The following NDEL1 variants were observed in gnomAD, a reference collection of about 807,000 sequenced individuals.
The protein encoded by NDEL1 is nudE neurodevelopment protein 1 like 1, also known as nuclear distribution protein nudE-like 1.
A neutral mutation model predicts 45.7 loss-of-function variants in NDEL1; 9 were observed. That is an observed-to-expected ratio of 0.20 (90% CI 0.12 to 0.34). NDEL1 has a LOEUF of 0.34. Ranked by LOEUF, NDEL1 falls within the 10% of genes least tolerant of loss-of-function variation. The probability of loss-of-function intolerance (pLI) is 1.00; values close to 1 mark genes in which losing one functional copy is unlikely to be tolerated. For synonymous variants in NDEL1, 133 were observed against 158.6 expected, an observed-to-expected ratio of 0.84 and a Z score of 1.21; for missense variants, 306 against 406.2, an observed-to-expected ratio of 0.75 and a Z score of 2.12.
upstream of NDEL1, among the ~76,000 whole-genome samples, chr17:8,434,641 A>C (rs143515072): frequency 7.2e-5 from 11 of 152,274 alleles, 1 homozygote; most frequent in East Asian, 2.1e-3. Flanking sequence ...CTCCCTATGT[A>C]AGTTGCCTAT....
chr17:8,418,091 T>C (rs1240355209), intron 1 of NDEL1, among the ~76,000 whole-genome samples: 2 of 152,248 alleles, frequency 1.3e-5, no homozygotes, highest in African/African-American at 2.4e-5. Flanking sequence ...GCATTTAGTT[T>C]TCAGCCTTTT....
At chr17:8,441,134 G>T (rs1218477334) in intron 1 of NDEL1, among the ~76,000 whole-genome samples, 1 of 152,108 alleles carries the variant, frequency 6.6e-6, no homozygotes, top group African/African-American at 2.4e-5. Context: ...AAAATGATCT[G>T]ACCAGTGAAT....
In NDEL1 at chr17:8,447,075, C is replaced by T. The variant is rs534134014; in HGVS notation, c.389+173C>T. ...CCCCAAATCCTCATCTCCCAGATAA[C>T]GCCCTTCAAAGCTTTCTCTTTCAAT... is the stretch of plus-strand genomic sequence containing the variant. On this transcript the variant is annotated intron_variant, in intron 4 of 8. Coordinates refer to ENST00000334527, the MANE Select transcript of NDEL1 (RefSeq NM_030808.5). Among the ~76,000 whole-genome samples, 7 of 152,238 alleles carry T rather than the reference C, an allele frequency of 4.6e-5. No homozygotes were observed. The South Asian group carries it at 1.0e-3, about 23-fold the overall frequency.
chr17:8,429,559 T>G (rs1908950378), intron 1 of NDEL1, among the ~76,000 whole-genome samples: 1 of 152,112 alleles, frequency 6.6e-6, no homozygotes, highest in Non-Finnish European at 1.5e-5. Context: ...AGAAGGTGGG[T>G]TGGCCAAGCC....
At chr17:8,464,869 G>A (rs1474315305) in intron 8 of NDEL1, 1 of 152,322 alleles carries the variant, frequency 6.6e-6, no homozygotes, top group Admixed American at 6.5e-5. Flanking sequence ...CAGTGGAACA[G>A]TGGGATGAAC....
chr17:8,456,547 G>A (rs1910860967), intron 7 of NDEL1, among the ~76,000 whole-genome samples: 1 of 140,752 alleles, frequency 7.1e-6, no homozygotes, highest in Non-Finnish European at 1.5e-5. Flanking sequence ...TGCCAAGGCT[G>A]GAGTGCAGCG....
At chr17:8,472,611 T>C (rs1911873651), downstream of NDEL1, among the ~76,000 whole-genome samples, 1 of 151,960 alleles carries the variant, frequency 6.6e-6, no homozygotes, top group Non-Finnish European at 1.5e-5. Context: ...TGAAGTGAGC[T>C]GAGAGCATGC....
intron 8 of NDEL1, among the ~76,000 whole-genome samples, chr17:8,463,765 T>C (rs1911398461): frequency 6.6e-6 from 1 of 152,376 alleles, no homozygotes; most frequent in South Asian, 2.1e-4. Flanking sequence ...GGCACCAGTG[T>C]GAGCATTCCC....
chr17:8,418,783 C>T (rs1908633621), intron 1 of NDEL1, among the ~76,000 whole-genome samples: 1 of 147,744 alleles, frequency 6.8e-6, no homozygotes, highest in South Asian at 2.2e-4. Flanking sequence ...CTACCTCCCT[C>T]CTTTCTTTCT....
In NDEL1 at chr17:8,460,019, C is replaced by T. The variant is rs770661870; in HGVS notation, c.803C>T (p.Ser268Phe). Residue 268 changes from serine (S) to phenylalanine (F), a missense_variant, in exon 8 of 9, where the codon TCC becomes TTC. Transcript: ENST00000334527. Reference protein sequence around the residue: ...DLLRKVGALESKLAACRNFAK... With the variant: ...DLLRKVGALEFKLAACRNFAK... ...CCTTCTTTTTTGTAGGCTTTAGAAT[C>T]CAAATTAGCAGCTTGCAGGAATTTT... 1.2e-6 allele frequency: 2 copies of T among 1,612,024 alleles called. No homozygotes were observed. Among genetic ancestry groups the T allele is most frequent in the Admixed American group, 3.4e-5 (2 of 59,588 alleles).
downstream of NDEL1, among the ~76,000 whole-genome samples, chr17:8,469,265 G>A (rs749249466): frequency 2.0e-5 from 3 of 152,142 alleles, no homozygotes; most frequent in Admixed American, 6.6e-5. Flanking sequence ...GATTGGATTA[G>A]ATGAGAGGTT....
intron 1 of NDEL1, among the ~76,000 whole-genome samples, chr17:8,416,036 C>A (rs976578404): frequency 6.6e-6 from 1 of 152,132 alleles, no homozygotes; most frequent in African/African-American, 2.4e-5. Context: ...CATGAGCCAC[C>A]GCGCCTGGCC....
intron 8 of NDEL1, chr17:8,463,378 T>C (rs1164096575): frequency 6.2e-7 from 1 of 1,608,106 alleles, no homozygotes. Flanking sequence ...TTTGCTGTGC[T>C]CTTTTTCATT....
Position 8,467,180 on chromosome 17 carries a change from GC to G in NDEL1, c.*160del. ...CATGCAGTGGCGGCTACTGGGCCCTGCCCAGCCCCGGAACTCTGCGCGATAT... is the reference window on the plus strand; with the variant it reads ...CATGCAGTGGCGGCTACTGGGCCCTGCCAGCCCCGGAACTCTGCGCGATAT... On this transcript the variant is annotated 3_prime_UTR_variant, in exon 9 of 9. Transcript: ENST00000334527. The surrounding 1 kb of genome is among the most constrained non-coding windows in gnomAD (Gnocchi z 6.3). 1 of 683,214 alleles carries G rather than the reference GC, an allele frequency of 1.5e-6. No homozygotes were observed. Among genetic ancestry groups the G allele is most frequent in the Non-Finnish European group, 2.5e-6 (1 of 396,612 alleles). 42.3% of individuals were successfully genotyped at this position (683,214 alleles called of 1,614,324 possible). A position where few individuals can be genotyped will look rare whatever the true frequency, so the allele number is the denominator to read the frequency against.
Position 8,446,765 on chromosome 17 carries a change from G to A in NDEL1, c.252G>A (p.Glu84=), listed in dbSNP as rs1367134795. ...ACTGATGCCCTCAGGAGAAGCTAGA[G>A]CATCAATATGCACAGAGCTATAAGC... is the stretch of plus-strand genomic sequence containing the variant. The part of the protein sequence containing the change: ...YEVEALKEKL[E]HQYAQSYKQV... Residue 84 remains glutamate, a synonymous_variant, in exon 4 of 9, where the codon GAG becomes GAA. Transcript: ENST00000334527. 4.3e-6 allele frequency: 7 copies of A among 1,614,050 alleles called. No homozygotes were observed. The highest frequency in any genetic ancestry group is 2.2e-5 in the South Asian group (2 of 91,084).
At chr17:8,416,774 T>G (rs1446998762) in intron 1 of NDEL1, among the ~76,000 whole-genome samples, 1 of 152,204 alleles carries the variant, frequency 6.6e-6, no homozygotes, top group Non-Finnish European at 1.5e-5. Context: ...TGTACTTGCT[T>G]TCTGAAACTC....
upstream of NDEL1, among the ~76,000 whole-genome samples, chr17:8,430,923 C>T (rs1908984203): frequency 1.3e-5 from 2 of 152,208 alleles, no homozygotes; most frequent in African/African-American, 4.8e-5. Flanking sequence ...GAAAGCTCAA[C>T]CACAAGGGGG....
At chr17:8,461,160 C>A (rs146912025) in intron 8 of NDEL1, 1 of 152,102 alleles carries the variant, frequency 6.6e-6, no homozygotes, top group African/African-American at 2.4e-5. Flanking sequence ...ACTCTAGAAA[C>A]GCTCACAATC....
At position 8,426,644 on chromosome 17, in the gene NDEL1, G is replaced by A. The variant is rs144260933; in HGVS notation, c.-13+13375G>A. On this transcript the variant is annotated intron_variant, in intron 1 of 4. Transcript: ENST00000582812. ...AGGATGATAGTGAAGCCTGAAGCTT[G>A]GGGAAGTCAGGAAAACCGTGAGGTT... is the stretch of plus-strand genomic sequence containing the variant. Among the ~76,000 whole-genome samples, 677 of 152,234 alleles carry A rather than the reference G, an allele frequency of 4.4e-3. 2 individuals are homozygous for A. Among genetic ancestry groups the A allele is most frequent in the African/African-American group, 0.015 (638 of 41,544 alleles).
Sources: allele counts gnomAD v4.1 joint callset (sites outside exome capture counted in the v4.1 genomes callset), GRCh38; gene constraint gnomAD v4.1.1; non-coding constraint Gnocchi (gnomAD v3.1); transcripts MANE v1.5; gene names NCBI Gene and HGNC (gene_info 2026-07-23, HGNC 2026-07-21).